Variants in SCRN1 observed in about 807,000 individuals in gnomAD.
The protein encoded by SCRN1 is secernin-1.
In SCRN1, 19 loss-of-function variants were observed where a neutral mutation model predicts 43.3. The ratio of observed to expected loss-of-function variants is 0.44; its 90% confidence interval spans 0.31 to 0.64. The LOEUF is 0.64. Ranked by LOEUF, SCRN1 falls within the 30% of genes least tolerant of loss-of-function variation. SCRN1 has a pLI of 0.09. For missense variants in SCRN1, 447 were observed against 524.1 expected (o/e 0.85, Z 1.44); for synonymous variants, 183 against 188.9 (o/e 0.97, Z 0.26).
rs1162835669 is a variant in SCRN1 at position 29,932,651 on chromosome 7, C to CAAAAAAAAAAA, written c.905+3894_905+3904dup. The stretch of plus-strand genomic sequence containing the variant: ...TAGGTAACAGAGTGAGATTCCATCT[C>CAAAAAAAAAAA]AAAAAAAAAAAAAAAAAAAAAAAAA... On this transcript the variant is annotated intron_variant, in intron 6 of 7. Coordinates refer to ENST00000242059, the MANE Select transcript of SCRN1 (RefSeq NM_014766.5). Among the ~76,000 whole-genome samples, 6 of 8,048 alleles carry CAAAAAAAAAAA rather than the reference C, an allele frequency of 7.5e-4. 1 individual carries two copies. Among genetic ancestry groups the CAAAAAAAAAAA allele is most frequent in the African/African-American group, 2.5e-3 (6 of 2,362 alleles). The allele number at this position is 8,048 out of a possible 152,430, so 5.3% of individuals were successfully genotyped here. A position where few individuals can be genotyped will look rare whatever the true frequency, so the allele number is the denominator to read the frequency against.
chr7:29,936,551 C>A lies in SCRN1; in HGVS notation c.905+5G>T. 1 of 1,561,514 alleles carries A rather than the reference C, an allele frequency of 6.4e-7. No homozygotes were observed. Among genetic ancestry groups the A allele is most frequent in the Non-Finnish European group, 8.8e-7 (1 of 1,142,492 alleles). On this transcript the variant is annotated splice_donor_5th_base_variant and intron_variant, in intron 6 of 7. Coordinates refer to ENST00000242059, the MANE Select transcript of SCRN1 (RefSeq NM_014766.5). ...TCTGCCTACGTGACCAGGCCTCGGA[C>A]AAACCTGGAAGGATCAGGGGTTCCA...
chr7:29,931,677 T>C (rs1359204228), intron 6 of SCRN1, among the ~76,000 whole-genome samples: 2 of 152,232 alleles, frequency 1.3e-5, no homozygotes, highest in Admixed American at 6.5e-5. Context: ...CTGCTCTTAC[T>C]GAAGATGCAG....
intron 1 of SCRN1, among the ~76,000 whole-genome samples, chr7:29,972,959 G>A (rs903610717): frequency 2.6e-5 from 4 of 152,102 alleles, no homozygotes; most frequent in African/African-American, 4.8e-5. Context: ...TCCATTGGAC[G>A]GGACAGTGAC....
intron 7 of SCRN1, among the ~76,000 whole-genome samples, chr7:29,925,424 T>C (rs149821492): frequency 1.2e-4 from 18 of 152,242 alleles, no homozygotes; most frequent in African/African-American, 4.1e-4. Flanking sequence ...ACACAAAAGG[T>C]CCCCCTTTTG....
chr7:29,923,946 G>C lies in SCRN1; in HGVS notation c.*11C>G. Reference sequence around the variant, plus strand: ...AAGTCTTAAATAAGAAGGGGAAAGGGAACGCTTACTTCACTTAAAGAACTT... The same window carrying C: ...AAGTCTTAAATAAGAAGGGGAAAGGCAACGCTTACTTCACTTAAAGAACTT... On this transcript the variant is annotated 3_prime_UTR_variant, in exon 8 of 8. Transcript: ENST00000242059. The C allele has an allele frequency of 6.2e-7, 1 of 1,602,692 alleles. No individual in the cohort carries two copies. The highest frequency in any genetic ancestry group is 8.5e-7 in the Non-Finnish European group (1 of 1,174,852).
At chr7:29,968,139 T>C (rs1352503837) in intron 2 of SCRN1, among the ~76,000 whole-genome samples, 1 of 152,212 alleles carries the variant, frequency 6.6e-6, no homozygotes, top group Non-Finnish European at 1.5e-5. Flanking sequence ...TAAAAATATA[T>C]AAACTGAGAC....
chr7:29,940,766 C>G lies in SCRN1; in HGVS notation c.655G>C (p.Glu219Gln). The change falls in exon 5 of 8, where the codon GAG becomes CAG. Residue 219 changes from glutamate to glutamine, a missense_variant. By Grantham distance (29) the Glu-to-Gln change is conservative (BLOSUM62 2). Coordinates refer to ENST00000242059, the MANE Select transcript of SCRN1 (RefSeq NM_014766.5). ...GAAAAGACTTCGGAAAAATTGAACT[C>G]GCCCTCTCCCGTCCACCAACCTTGG... ...QSQGWWTGEG[E>Q]FNFSEVFSPV... The G allele has an allele frequency of 6.2e-7, 1 of 1,610,368 alleles. No individual in the cohort carries two copies. Among genetic ancestry groups the G allele is most frequent in the Non-Finnish European group, 8.5e-7 (1 of 1,179,002 alleles).
chr7:29,924,191 G>A, intron 7 of SCRN1, 76 bp from the exon 8 acceptor site: 2 of 1,457,576 alleles, frequency 1.4e-6, no homozygotes, highest in Non-Finnish European at 1.8e-6. Context: ...AACCCTCTAG[G>A]GGGCCAGCTG....
At chr7:29,930,274 A>C (rs1324461488) in intron 6 of SCRN1, among the ~76,000 whole-genome samples, 1 of 152,224 alleles carries the variant, frequency 6.6e-6, no homozygotes, top group Admixed American at 6.5e-5. Flanking sequence ...TTAAACCAGG[A>C]TGTGGAAATT....
chr7:29,980,220 A>C (rs1289495734), intron 1 of SCRN1, among the ~76,000 whole-genome samples: 1 of 152,206 alleles, frequency 6.6e-6, no homozygotes, highest in Non-Finnish European at 1.5e-5. Flanking sequence ...ACAGGGATGT[A>C]ATGATGATGG....
chr7:29,952,573 C>T lies in SCRN1; in HGVS notation c.341+2606G>A, dbSNP rs1372140151. ...GGTGTGGTGGCATACACCTGTAATC[C>T]CATCTACTCAGGAGGCTGAGGCAGG... On this transcript the variant is annotated intron_variant, in intron 3 of 7. Transcript: ENST00000242059. Among the ~76,000 whole-genome samples, 91 of 151,766 alleles carry T rather than the reference C, an allele frequency of 6.0e-4. 1 individual carries two copies. Among genetic ancestry groups the T allele is most frequent in the Non-Finnish European group, 4.4e-5 (3 of 67,968 alleles).
At chr7:29,966,027 C>T (rs577432279) in intron 2 of SCRN1, among the ~76,000 whole-genome samples, 1 of 151,808 alleles carries the variant, frequency 6.6e-6, no homozygotes, top group Admixed American at 6.6e-5. Context: ...GAACAGCAAA[C>T]AGCAGGGATA....
rs566460691 is a variant in SCRN1 at position 29,975,698 on chromosome 7, A to G, written c.-1-6630T>C. Among the ~76,000 whole-genome samples the G allele has an allele frequency of 4.6e-5, 7 of 152,364 alleles. No individual in the cohort carries two copies. The South Asian group carries it at 1.4e-3, about 32-fold the overall frequency. On this transcript the variant is annotated intron_variant, in intron 1 of 7. Coordinates refer to ENST00000242059, the MANE Select transcript of SCRN1 (RefSeq NM_014766.5). The stretch of plus-strand genomic sequence containing the variant: ...GTCTTAAGGAAAAAACTTAAAAGCA[A>G]CAGGCTAAAAGGGCAGGTCTGCTGA...
chr7:29,960,401 GA>G (rs573294385), intron 2 of SCRN1, among the ~76,000 whole-genome samples: 15 of 144,422 alleles, frequency 1.0e-4, no homozygotes, highest in African/African-American at 2.5e-4. Flanking sequence ...AAGCTAATTT[GA>G]AAAAAAAAAT....
intron 1 of SCRN1, chr7:29,988,672 A>ACCCCACCCGGCTG (rs1283436068): frequency 2.0e-5 from 3 of 152,416 alleles, no homozygotes; most frequent in Non-Finnish European, 4.4e-5. Context: ...GCACGCACCC[A>ACCCCACCCGGCTG]CCCCACCCGG....
chr7:29,982,961 C>A (rs1216826201), intron 1 of SCRN1, among the ~76,000 whole-genome samples: 1 of 151,920 alleles, frequency 6.6e-6, no homozygotes, highest in Non-Finnish European at 1.5e-5. Context: ...GCCTCAGCCT[C>A]CCAAGTAGCT....
chr7:29,961,075 T>C (rs1375486166), intron 2 of SCRN1, among the ~76,000 whole-genome samples: 1 of 138,794 alleles, frequency 7.2e-6, no homozygotes, highest in Admixed American at 7.1e-5. Context: ...TTTTTTTTTT[T>C]AATTTATTTT....
At chr7:29,928,351 C>T (rs1023453740) in intron 6 of SCRN1, among the ~76,000 whole-genome samples, 2 of 152,134 alleles carry the variant, frequency 1.3e-5, no homozygotes, top group African/African-American at 2.4e-5. Flanking sequence ...ACTAAAGACA[C>T]AACAGTAATG....
intron 1 of SCRN1, among the ~76,000 whole-genome samples, chr7:29,986,914 C>T (rs915564136): frequency 7.3e-5 from 11 of 151,434 alleles, no homozygotes; most frequent in Non-Finnish European, 1.3e-4. Flanking sequence ...TTAGTAGAGA[C>T]GGGGTTTCAC....
Sources: allele counts gnomAD v4.1 joint callset (sites outside exome capture counted in the v4.1 genomes callset), GRCh38; gene constraint gnomAD v4.1.1; transcripts MANE v1.5; gene names NCBI Gene and HGNC (gene_info 2026-07-23, HGNC 2026-07-21).